The following LINGO1 variants were observed in gnomAD, a reference collection of about 807,000 sequenced individuals.
LINGO1 encodes the protein leucine-rich repeat and immunoglobulin-like domain-containing nogo receptor-interacting protein 1.
LINGO1 carries 11 observed loss-of-function variants against 37.3 expected under a neutral mutation model. The observed-to-expected ratio is 0.29, with a 90% CI of 0.19 to 0.49. The LOEUF (loss-of-function observed/expected upper bound fraction) is 0.49, where lower values mean the gene tolerates loss of function less well. Ranked by LOEUF, LINGO1 falls within the 20% of genes least tolerant of loss-of-function variation. LINGO1 has a pLI of 0.99. For missense variants in LINGO1, 585 were observed against 878.2 expected, an observed-to-expected ratio of 0.67 and a Z score of 4.22; for synonymous variants, 387 against 403.0, an observed-to-expected ratio of 0.96 and a Z score of 0.48.
chr15:77,658,447 G>A (rs1022183348), intron 3 of LINGO1, among the ~76,000 whole-genome samples: 2 of 152,234 alleles, frequency 1.3e-5, no homozygotes, highest in African/African-American at 4.8e-5. Context: ...CGTTCTCACC[G>A]CACGTGGTTC....
At chr15:77,779,246 T>C (rs1337589902) in intron 1 of LINGO1, among the ~76,000 whole-genome samples, 2 of 152,050 alleles carry the variant, frequency 1.3e-5, no homozygotes, top group African/African-American at 4.8e-5. Context: ...TGCTTATTTA[T>C]CTTGTTTAAT....
chr15:77,804,583 C>A (rs753881949), intron 1 of LINGO1, among the ~76,000 whole-genome samples: 12 of 152,174 alleles, frequency 7.9e-5, no homozygotes, highest in Non-Finnish European at 1.6e-4. Flanking sequence ...CATCTTACAC[C>A]CGGGGCTAGA....
At chr15:77,818,351 G>T (rs2077065171) in intron 1 of LINGO1, among the ~76,000 whole-genome samples, 1 of 152,238 alleles carries the variant, frequency 6.6e-6, no homozygotes, top group Non-Finnish European at 1.5e-5. Context: ...TGGCACTTAG[G>T]GGTGTGGGGA....
At chr15:77,712,390 A>T (rs1002433721) in intron 2 of LINGO1, among the ~76,000 whole-genome samples, 1 of 152,020 alleles carries the variant, frequency 6.6e-6, no homozygotes, top group Non-Finnish European at 1.5e-5. Context: ...AGCATAATGG[A>T]TGCTCAAATA....
intron 1 of LINGO1, among the ~76,000 whole-genome samples, chr15:77,774,661 T>C (rs940983147): frequency 5.3e-5 from 8 of 152,116 alleles, no homozygotes; most frequent in Admixed American, 3.9e-4. Flanking sequence ...CATCAGCCCA[T>C]CCAGTTTGGG....
intron 1 of LINGO1, among the ~76,000 whole-genome samples, chr15:77,755,918 A>G (rs528460230): frequency 6.6e-6 from 1 of 152,186 alleles, no homozygotes; most frequent in Non-Finnish European, 1.5e-5. Flanking sequence ...ATCCAGCCCA[A>G]TGTGGTTTAA....
intron 2 of LINGO1, among the ~76,000 whole-genome samples, chr15:77,689,294 G>A (rs1384252760): frequency 3.3e-5 from 5 of 150,934 alleles, no homozygotes; most frequent in African/African-American, 7.4e-5. Context: ...AGGAGGCACC[G>A]GGGGCAGGAA....
In LINGO1 at chr15:77,632,427, G is replaced by T. The variant is rs1021122693; in HGVS notation, c.-112C>A. 47 of 1,157,376 alleles carry T rather than the reference G, an allele frequency of 4.1e-5. No individual in the cohort carries two copies. Among genetic ancestry groups the T allele is most frequent in the Admixed American group, 2.5e-4 (6 of 24,214 alleles). The allele number at this position is 1,157,376 out of a possible 1,614,324, so 71.7% of individuals were successfully genotyped here. On this transcript the variant is annotated 5_prime_UTR_variant, in exon 1 of 2. Transcript: ENST00000355300. This position sits in a 1 kb window ranked among gnomAD's most constrained non-coding sequence, Gnocchi z 6.0. ...CCCCTCCTCCGTTTCCTCCTCCTCC[G>T]ACACCTCCGCCCGGCAGTCCGCGCG...
chr15:77,645,292 C>T (rs1243254481), intron 3 of LINGO1, among the ~76,000 whole-genome samples: 2 of 152,196 alleles, frequency 1.3e-5, no homozygotes, highest in Non-Finnish European at 2.9e-5. Context: ...CACATCACAG[C>T]CCAAGACGCT....
intron 1 of LINGO1, among the ~76,000 whole-genome samples, chr15:77,620,370 G>A (rs918718652): frequency 5.3e-5 from 8 of 152,228 alleles, no homozygotes; most frequent in African/African-American, 1.9e-4. Flanking sequence ...CAGGCAGTGG[G>A]GGACACTGAG....
At chr15:77,767,865 G>A (rs983865049) in intron 1 of LINGO1, among the ~76,000 whole-genome samples, 3 of 152,192 alleles carry the variant, frequency 2.0e-5, no homozygotes, top group Non-Finnish European at 4.4e-5. Flanking sequence ...TGGGGTGGAA[G>A]CTAAATCCTC....
chr15:77,722,371 A>G (rs1248811939), intron 2 of LINGO1, among the ~76,000 whole-genome samples: 9 of 152,184 alleles, frequency 5.9e-5, no homozygotes, highest in African/African-American at 2.2e-4. Context: ...GGGCGTGGCA[A>G]CCCTCTGGAG....
chr15:77,776,546 G>GTA (rs1567577919), intron 1 of LINGO1, among the ~76,000 whole-genome samples: 1 of 43,844 alleles, frequency 2.3e-5, no homozygotes, highest in Non-Finnish European at 5.6e-5. Context: ...GGGAGGGAGG[G>GTA]AGGGAGGGAG....
chr15:77,644,776 G>A (rs564441501), intron 3 of LINGO1, among the ~76,000 whole-genome samples: 4 of 152,352 alleles, frequency 2.6e-5, no homozygotes, highest in African/African-American at 9.6e-5. Flanking sequence ...GGGCTAAGAG[G>A]GGTGAGGTAA....
chr15:77,635,195 C>G (rs866660891), upstream of LINGO1, among the ~76,000 whole-genome samples: 9 of 152,358 alleles, frequency 5.9e-5, no homozygotes, highest in African/African-American at 1.2e-4. Context: ...GGCCTCGGTT[C>G]TCCACTGTCA....
upstream of LINGO1, among the ~76,000 whole-genome samples, chr15:77,633,832 A>G (rs556619966): frequency 1.3e-5 from 2 of 152,342 alleles, no homozygotes; most frequent in Non-Finnish European, 2.9e-5. Flanking sequence ...AAACTAGGCC[A>G]GCAGGGATGT....
intron 1 of LINGO1, among the ~76,000 whole-genome samples, chr15:77,745,542 G>A (rs2076305949): frequency 6.6e-6 from 1 of 152,152 alleles, no homozygotes; most frequent in Non-Finnish European, 1.5e-5. Context: ...CACTGAGCGT[G>A]AGCTTCTATT....
intron 2 of LINGO1, among the ~76,000 whole-genome samples, chr15:77,723,444 C>T (rs1167034577): frequency 1.3e-5 from 2 of 152,182 alleles, no homozygotes; most frequent in African/African-American, 2.4e-5. Flanking sequence ...ATAACAATGA[C>T]GACAACCGAG....
At chr15:77,742,367 G>A (rs1023021932) in intron 1 of LINGO1, among the ~76,000 whole-genome samples, 1 of 152,184 alleles carries the variant, frequency 6.6e-6, no homozygotes, top group Admixed American at 6.5e-5. Flanking sequence ...GCCACTCGAT[G>A]GCCACTTCCT....
Sources: gnomAD v4.1 joint callset for allele counts (sites outside exome capture counted in the v4.1 genomes callset) on GRCh38, gnomAD v4.1.1 for gene constraint, Gnocchi (gnomAD v3.1) non-coding constraint, MANE v1.5 for transcripts, NCBI Gene and HGNC (gene_info 2026-07-23, HGNC 2026-07-21) for gene names.